Variants in DCLRE1C observed in about 807,000 individuals in gnomAD.
DCLRE1C encodes protein artemis.
Under a neutral mutation model 61.4 loss-of-function variants are expected in DCLRE1C, and 47 were observed. The ratio of observed to expected loss-of-function variants is 0.77; its 90% CI spans 0.61 to 0.98. DCLRE1C has a LOEUF of 0.98. DCLRE1C is among the 50% of genes least tolerant of loss of function. DCLRE1C has a pLI of 0.00. For synonymous variants in DCLRE1C, 337 were observed against 287.6 expected (o/e 1.17, Z -1.74); for missense variants, 858 against 816.0 (o/e 1.05, Z -0.63).
At chr10:14,917,879 G>C (rs1836465050) in intron 13 of DCLRE1C, among the ~76,000 whole-genome samples, 1 of 152,136 alleles carries the variant, frequency 6.6e-6, no homozygotes, top group East Asian at 1.9e-4. Context: ...CACCAATGAA[G>C]ATACATGGAT....
intron 9 of DCLRE1C, among the ~76,000 whole-genome samples, chr10:14,929,280 T>A (rs541165335): frequency 1.3e-5 from 2 of 152,134 alleles, no homozygotes; most frequent in Non-Finnish European, 2.9e-5. Flanking sequence ...GGCGCATGCC[T>A]GTAATCCCAG....
chr10:14,932,120 A>T (rs1839101821), intron 9 of DCLRE1C, among the ~76,000 whole-genome samples: 1 of 152,176 alleles, frequency 6.6e-6, no homozygotes, highest in Non-Finnish European at 1.5e-5. Context: ...GCTACATAGG[A>T]GGCTGAGGCA....
At chr10:14,920,326 A>G in intron 12 of DCLRE1C, 1 of 956,380 alleles carries the variant, frequency 1.0e-6, no homozygotes, top group Non-Finnish European at 1.3e-6. Flanking sequence ...AAGCTAAGAC[A>G]AAGTGGAGAT....
intron 3 of DCLRE1C, 99 bp downstream of exon 3, chr10:14,945,006 C>A (rs1841459304): frequency 1.2e-6 from 1 of 838,126 alleles, no homozygotes; most frequent in East Asian, 3.0e-5. Flanking sequence ...ATGTGGATAA[C>A]TGAAGTATGT....
intron 7 of DCLRE1C, 79 bp downstream of exon 7, chr10:14,934,624 T>G: frequency 6.2e-7 from 1 of 1,611,056 alleles, no homozygotes; most frequent in Non-Finnish European, 8.5e-7. Flanking sequence ...AGTTAGGATA[T>G]GACCTGTCAC....
exon 14 of DCLRE1C, chr10:14,899,001 TG>T: frequency 1.9e-6 from 1 of 517,718 alleles, no homozygotes; most frequent in Non-Finnish European, 3.4e-6. Flanking sequence ...ATGAAAGTAA[TG>T]CAGTGTTCCA....
intron 2 of DCLRE1C, among the ~76,000 whole-genome samples, chr10:14,946,403 A>G (rs1186692496): frequency 6.6e-6 from 1 of 152,194 alleles, no homozygotes; most frequent in Admixed American, 6.6e-5. Flanking sequence ...ACAATGACAT[A>G]CACCATCCAT....
rs145177196 is a variant in DCLRE1C, at chr10:14,948,673, C to G, written c.161+363G>C. Among the ~76,000 whole-genome samples, 359 of 151,840 alleles carry G rather than the reference C, an allele frequency of 2.4e-3. 1 individual carries two copies. The highest frequency in any genetic ancestry group is 8.2e-3 in the African/African-American group (339 of 41,340). On this transcript the variant is annotated intron_variant, in intron 2 of 13. Transcript: ENST00000378278. ...GGAGGATCACCTGAGGCCAGGAGTT[C>G]GAGATCAGCCTGGGCGACATAGCAA...
rs183823615 is a variant in DCLRE1C at position 14,943,575 on chromosome 10, T to C, written c.246+1530A>G. ...TAACTTTTTTGTTTGTTTTTGAAGA[T>C]GGAGTCTCGCTCTGTCACCCAGGCT... On this transcript the variant is annotated intron_variant, in intron 3 of 13. Coordinates refer to ENST00000378278, the MANE Select transcript of DCLRE1C (RefSeq NM_001033855.3). Among the ~76,000 whole-genome samples, 590 of 152,272 alleles carry C rather than the reference T, an allele frequency of 3.9e-3. 2 individuals are homozygous for C. Among genetic ancestry groups the C allele is most frequent in the African/African-American group, 0.013 (551 of 41,550 alleles).
chr10:14,912,027 G>C (rs1303099850), intron 13 of DCLRE1C, among the ~76,000 whole-genome samples: 1 of 152,212 alleles, frequency 6.6e-6, no homozygotes, highest in African/African-American at 2.4e-5. Context: ...GTTCCTTGGA[G>C]TGTTAAAACA....
chr10:14,944,921 C>T (rs1762302316), intron 3 of DCLRE1C, among the ~76,000 whole-genome samples, 184 bp downstream of exon 3: 2 of 151,888 alleles, frequency 1.3e-5, no homozygotes, highest in Non-Finnish European at 1.5e-5. Flanking sequence ...GTGATCCATC[C>T]GCCAAGGCCT....
At chr10:14,946,224 T>C (rs532494042) in intron 2 of DCLRE1C, among the ~76,000 whole-genome samples, 1 of 151,234 alleles carries the variant, frequency 6.6e-6, no homozygotes, top group East Asian at 2.0e-4. Context: ...GCCAGGCTGG[T>C]CTCGATATCC....
chr10:14,900,169 T>A (rs1156931884), downstream of DCLRE1C, among the ~76,000 whole-genome samples: 1 of 152,352 alleles, frequency 6.6e-6, no homozygotes, highest in East Asian at 1.9e-4. Context: ...TTCTAAATTA[T>A]AAATTAGTAT....
chr10:14,944,652 A>G (rs1006125997), intron 3 of DCLRE1C, among the ~76,000 whole-genome samples: 18 of 151,640 alleles, frequency 1.2e-4, no homozygotes, highest in Middle Eastern at 3.4e-3. Context: ...GTTCAATGCC[A>G]ACAGACTTAA....
chr10:14,942,491 G>A (rs960005465), intron 3 of DCLRE1C: 1 of 152,236 alleles, frequency 6.6e-6, no homozygotes, highest in African/African-American at 2.4e-5. Context: ...GGAGGTGGAT[G>A]ATATCATGCA....
intron 4 of DCLRE1C, among the ~76,000 whole-genome samples, chr10:14,937,045 A>T (rs886950862): frequency 5.9e-5 from 9 of 152,232 alleles, no homozygotes; most frequent in East Asian, 1.9e-4. Context: ...AAGCCGGATA[A>T]GAAATGAACA....
chr10:14,923,199 T>G (rs897253665), intron 11 of DCLRE1C, 130 bp from the exon 12 acceptor site: 11 of 735,402 alleles, frequency 1.5e-5, no homozygotes, highest in Non-Finnish European at 1.9e-5. Flanking sequence ...TGGCTGCACG[T>G]GGGGATCACC....
intron 9 of DCLRE1C, among the ~76,000 whole-genome samples, chr10:14,928,637 A>G (rs994260398): frequency 2.6e-5 from 4 of 152,202 alleles, no homozygotes; most frequent in Non-Finnish European, 5.9e-5. Context: ...CTCAAGAGCC[A>G]CAGGCTGAAG....
chr10:14,937,281 C>CTTTTT (rs1162058273), intron 4 of DCLRE1C, among the ~76,000 whole-genome samples: 10 of 110,616 alleles, frequency 9.0e-5, no homozygotes, highest in Non-Finnish European at 1.4e-4. Context: ...AAGCTATTTA[C>CTTTTT]TTTTTTTTTT....
Sources: gnomAD v4.1 joint callset for allele counts (sites outside exome capture counted in the v4.1 genomes callset) on GRCh38, gnomAD v4.1.1 for gene constraint, MANE v1.5 for transcripts, NCBI Gene and HGNC (gene_info 2026-07-23, HGNC 2026-07-21) for gene names.